ADAMTSL3: variants seen among roughly 807,000 people sequenced by gnomAD.
ADAMTSL3 encodes the protein ADAMTS-like protein 3.
A neutral mutation model predicts 201.7 loss-of-function variants in ADAMTSL3; 128 were observed. The observed-to-expected ratio is 0.63, with a 90% confidence interval of 0.55 to 0.73. ADAMTSL3 has a LOEUF of 0.73. Ranked by LOEUF, ADAMTSL3 falls within the 30% of genes least tolerant of loss-of-function variation. ADAMTSL3 has a pLI of 0.00. For synonymous variants in ADAMTSL3, 738 were observed against 748.4 expected (o/e 0.99, Z 0.23); for missense variants, 1,990 against 2,119.6 (o/e 0.94, Z 1.20).
In ADAMTSL3 at chr15:83,801,277, ACGCTTTTGGAGGCAG is replaced by A. The variant is rs757761138; in HGVS notation, c.318-3371_318-3357del. Among the ~76,000 whole-genome samples the A allele has an allele frequency of 5.1e-4, 77 of 152,240 alleles. 1 individual carries two copies. Among genetic ancestry groups the A allele is most frequent in the Admixed American group, 1.7e-3 (26 of 15,280 alleles). On this transcript the variant is annotated intron_variant, in intron 4 of 29. Transcript: ENST00000286744. The stretch of plus-strand genomic sequence containing the variant: ...ATACGATTTAACTACAAATTAGGTA[ACGCTTTTGGAGGCAG>A]CTATAATGCTGTTCTTTTCACTCCA...
chr15:83,826,930 T>C (rs1423744690), intron 6 of ADAMTSL3, among the ~76,000 whole-genome samples: 1 of 152,194 alleles, frequency 6.6e-6, no homozygotes, highest in Non-Finnish European at 1.5e-5. Flanking sequence ...TTTGGGTTTG[T>C]TCCAAGTCTT....
intron 9 of ADAMTSL3, among the ~76,000 whole-genome samples, chr15:83,877,616 CTGTT>C (rs1282850240): frequency 1.3e-5 from 2 of 152,036 alleles, no homozygotes; most frequent in African/African-American, 4.8e-5. Context: ...ATCAGCTTGT[CTGTT>C]TTTAAAAATC....
chr15:83,882,443 A>G (rs1051920063), intron 9 of ADAMTSL3, among the ~76,000 whole-genome samples: 1 of 152,190 alleles, frequency 6.6e-6, no homozygotes, highest in African/African-American at 2.4e-5. Flanking sequence ...GTCCTTGTTT[A>G]GATTCTCTCA....
intron 4 of ADAMTSL3, among the ~76,000 whole-genome samples, chr15:83,783,837 C>CTGTG (rs59071955): frequency 0.17 from 25,147 of 148,598 alleles, 2,530 homozygotes; most frequent in East Asian, 0.39. Context: ...CATATATACT[C>CTGTG]TGTGTGTGTG....
At chr15:83,885,737 T>C (rs1444531808) in intron 10 of ADAMTSL3, among the ~76,000 whole-genome samples, 1 of 144,260 alleles carries the variant, frequency 6.9e-6, no homozygotes, top group African/African-American at 2.5e-5. Context: ...GTTCAAGGTC[T>C]TTTTTTTTTT....
intron 7 of ADAMTSL3, among the ~76,000 whole-genome samples, chr15:83,848,606 C>T (rs2064548908): frequency 6.6e-6 from 1 of 152,204 alleles, no homozygotes; most frequent in Non-Finnish European, 1.5e-5. Context: ...TGAGTTTATA[C>T]AGCATCACTT....
intron 15 of ADAMTSL3, 33 bp downstream of exon 15, chr15:83,899,764 G>T: frequency 6.3e-7 from 1 of 1,594,720 alleles, no homozygotes; most frequent in South Asian, 1.1e-5. Context: ...GAATAATCAG[G>T]GCATAGCCAG....
At chr15:83,882,226 T>C (rs2065287063) in intron 9 of ADAMTSL3, among the ~76,000 whole-genome samples, 1 of 152,160 alleles carries the variant, frequency 6.6e-6, no homozygotes, top group African/African-American at 2.4e-5. Context: ...TTTTTATTTA[T>C]TCTCATTGGG....
chr15:83,865,865 C>T (rs1446099381), intron 8 of ADAMTSL3, among the ~76,000 whole-genome samples: 2 of 152,148 alleles, frequency 1.3e-5, no homozygotes, highest in African/African-American at 4.8e-5. Context: ...ATCTACTCAT[C>T]TGACAAAGGG....
intron 4 of ADAMTSL3, among the ~76,000 whole-genome samples, chr15:83,790,526 T>C (rs913210796): frequency 4.0e-5 from 6 of 151,874 alleles, no homozygotes; most frequent in African/African-American, 1.5e-4. Flanking sequence ...TTTGACAAAG[T>C]CACCAATTCA....
intron 26 of ADAMTSL3, 40 bp downstream of exon 26, chr15:84,021,633 T>G: frequency 1.3e-6 from 2 of 1,594,326 alleles, no homozygotes; most frequent in Non-Finnish European, 1.7e-6. Flanking sequence ...AACACCAAGT[T>G]TTTGTTTGTT....
chr15:83,783,157 C>T (rs1022560545), intron 4 of ADAMTSL3, among the ~76,000 whole-genome samples: 6 of 150,934 alleles, frequency 4.0e-5, no homozygotes, highest in African/African-American at 1.5e-4. Flanking sequence ...TTCAAATGTC[C>T]TTGAATTGTT....
intron 1 of ADAMTSL3, 116 bp from the exon 2 acceptor site, chr15:83,655,613 C>T: frequency 1.2e-5 from 9 of 747,358 alleles, no homozygotes; most frequent in Non-Finnish European, 4.4e-6. Flanking sequence ...CAACACAAAC[C>T]TTTCCAAAAT....
At chr15:83,914,108 C>A (rs1257789000) in intron 16 of ADAMTSL3, among the ~76,000 whole-genome samples, 1 of 152,200 alleles carries the variant, frequency 6.6e-6, no homozygotes, top group Non-Finnish European at 1.5e-5. Context: ...GAATCCAGAG[C>A]CCCTGTCACC....
chr15:83,997,178 C>T (rs1435874161), intron 23 of ADAMTSL3, among the ~76,000 whole-genome samples: 1 of 152,084 alleles, frequency 6.6e-6, no homozygotes, highest in Non-Finnish European at 1.5e-5. Flanking sequence ...TTTGTAAAAG[C>T]AGAGAGAGAG....
chr15:83,753,635 G>T (rs756758779), intron 3 of ADAMTSL3, among the ~76,000 whole-genome samples: 1 of 151,798 alleles, frequency 6.6e-6, no homozygotes, highest in Non-Finnish European at 1.5e-5. Context: ...TTGAAAACTT[G>T]ATATCATTAA....
At chr15:83,945,433 C>G (rs1447496422) in intron 19 of ADAMTSL3, among the ~76,000 whole-genome samples, 1 of 152,180 alleles carries the variant, frequency 6.6e-6, no homozygotes, top group Admixed American at 6.5e-5. Flanking sequence ...CTCCTACTTG[C>G]ACAAGGAACA....
chr15:83,731,339 A>G (rs762207527), intron 3 of ADAMTSL3, among the ~76,000 whole-genome samples: 2 of 152,090 alleles, frequency 1.3e-5, no homozygotes, highest in Non-Finnish European at 2.9e-5. Context: ...GAAAATGCAA[A>G]TAAAAACCAC....
intron 2 of ADAMTSL3, among the ~76,000 whole-genome samples, chr15:83,686,296 G>A (rs930846462): frequency 2.6e-5 from 4 of 152,174 alleles, no homozygotes; most frequent in African/African-American, 7.2e-5. Context: ...TGTGGGCAGC[G>A]ACTTGCTATG....
Sources: allele counts gnomAD v4.1 joint callset (sites outside exome capture counted in the v4.1 genomes callset), GRCh38; gene constraint gnomAD v4.1.1; transcripts MANE v1.5; gene names NCBI Gene and HGNC (gene_info 2026-07-23, HGNC 2026-07-21).